Variants in DLEC1 observed in about 807,000 individuals in gnomAD.
The protein encoded by DLEC1 is DLEC1 cilia and flagella associated protein.
DLEC1 carries 146 observed loss-of-function variants against 198.1 expected under a neutral mutation model. The observed-to-expected ratio is 0.74, with a 90% CI of 0.64 to 0.85. DLEC1 has a LOEUF of 0.85. DLEC1 is among the 40% of genes least tolerant of loss of function. DLEC1 has a pLI of 0.00. For synonymous variants in DLEC1, 897 were observed against 866.8 expected (o/e 1.03, Z -0.61); for missense variants, 2,233 against 2,220.0 (o/e 1.01, Z -0.12).
rs143108244 is a variant in DLEC1 at position 38,062,570 on chromosome 3, A to G, written c.874-11A>G. ...CCTGTCATTGACTCTATGCTTTTGT[A>G]TGTTTCAAAGAAAGCAAGTCAACCA... On this transcript the variant is annotated splice_polypyrimidine_tract_variant and intron_variant, in intron 4 of 36. Transcript: ENST00000308059. The G allele has an allele frequency of 2.4e-4, 395 of 1,613,932 alleles. 1 individual carries two copies. Among genetic ancestry groups the G allele is most frequent in the Middle Eastern group, 1.3e-3 (8 of 6,062 alleles).
chr3:38,064,007 C>CTTTTTTTTTTTTTTTTTTG (rs71094947), intron 6 of DLEC1, 88 bp downstream of exon 6: 1 of 417,586 alleles, frequency 2.4e-6, no homozygotes, highest in Non-Finnish European at 3.7e-6. Context: ...TTTTTTTTTT[C>CTTTTTTTTTTTTTTTTTTG]TTTTTTTTTT....
chr3:38,077,979 C>A (rs1256578577), intron 6 of DLEC1, among the ~76,000 whole-genome samples: 1 of 152,138 alleles, frequency 6.6e-6, no homozygotes, highest in African/African-American at 2.4e-5. Context: ...TATAGCATAG[C>A]CTGCCTTTGC....
intron 23 of DLEC1, among the ~76,000 whole-genome samples, chr3:38,111,092 G>T (rs1699854386): frequency 6.6e-6 from 1 of 152,134 alleles, no homozygotes. Context: ...TCTCTAACTT[G>T]AAATCAAACA....
chr3:38,054,938 C>G (rs1378212263), intron 2 of DLEC1, among the ~76,000 whole-genome samples: 1 of 152,182 alleles, frequency 6.6e-6, no homozygotes, highest in Admixed American at 6.5e-5. Context: ...GAGATATTTA[C>G]AGACTAAAGG....
At chr3:38,100,222 C>A in intron 18 of DLEC1, 64 bp from the exon 19 acceptor site, 1 of 1,523,334 alleles carries the variant, frequency 6.6e-7, no homozygotes, top group South Asian at 1.3e-5. Context: ...CATGGCCAGC[C>A]CCCAGTTCCT....
intron 1 of DLEC1, among the ~76,000 whole-genome samples, chr3:38,044,159 T>A (rs1166783240): frequency 1.3e-5 from 2 of 151,926 alleles, no homozygotes; most frequent in African/African-American, 4.8e-5. Flanking sequence ...GGCAGGAGGA[T>A]CCCTTGACCC....
chr3:38,123,119 T>C lies in DLEC1; in HGVS notation c.*707T>C. The C allele has an allele frequency of 6.2e-7, 1 of 1,614,188 alleles. No homozygotes were observed. Among genetic ancestry groups the C allele is most frequent in the Non-Finnish European group, 8.5e-7 (1 of 1,180,022 alleles). On this transcript the variant is annotated 3_prime_UTR_variant, in exon 37 of 37. Transcript: ENST00000308059. ...CGATGCACATGGACACCACTCCGTA[T>C]GCCCTGTGAAAACAAAACTTAATTG...
Position 38,062,798 on chromosome 3 carries a change from A to G in DLEC1, c.1091A>G (p.Gln364Arg), listed in dbSNP as rs419616. 4.3e-6 allele frequency: 7 copies of G among 1,613,554 alleles called. No homozygotes were observed. The East Asian group carries it at 1.3e-4, about 31-fold the overall frequency. Residue 364 changes from glutamine to arginine, a missense_variant, in exon 5 of 37, where the codon CAG becomes CGG. Physicochemically the swap from Gln to Arg is conservative, Grantham distance 43. Transcript: ENST00000308059. ...GAATTCCAGAGTACAGAGCCAGAAC[A>G]GAGGTATGTCTTTCTCTGGCTTGAA... ...IGEFQSTEPE[Q>R]SCADTPVFLA...
At chr3:38,059,396 G>A (rs1033805807) in intron 2 of DLEC1, among the ~76,000 whole-genome samples, 1 of 152,254 alleles carries the variant, frequency 6.6e-6, no homozygotes, top group African/African-American at 2.4e-5. Flanking sequence ...GTCTCTAGTA[G>A]CAGGCACTGC....
chr3:38,082,084 C>A lies in DLEC1; in HGVS notation c.1174-2074C>A, dbSNP rs1269119798. 1.1e-4 allele frequency among the ~76,000 whole-genome samples: 16 copies of A among 144,150 alleles called. No homozygotes were observed. In the South Asian group the frequency reaches 1.4e-3, roughly 12 times the overall value. 94.6% of individuals were successfully genotyped at this position (144,150 alleles called of 152,430 possible). ...GGGTCTCCTCACTTCTCAGACGGGG[C>A]GGCCGGGCAGAGACCCTCCTCACCT... On this transcript the variant is annotated intron_variant, in intron 6 of 36. Coordinates refer to ENST00000308059, the MANE Select transcript of DLEC1 (RefSeq NM_007335.4).
chr3:38,098,246 G>T (rs751554329), intron 18 of DLEC1, among the ~76,000 whole-genome samples: 3 of 152,102 alleles, frequency 2.0e-5, no homozygotes, highest in Non-Finnish European at 4.4e-5. Flanking sequence ...TGCTCCAGCC[G>T]CATTCCCACC....
In DLEC1 at chr3:38,100,413, A is replaced by T. The variant is rs764938170; in HGVS notation, c.2852A>T (p.Asn951Ile). 2.6e-5 allele frequency: 42 copies of T among 1,612,570 alleles called. No individual in the cohort carries two copies. The highest frequency in any genetic ancestry group is 3.3e-5 in the Non-Finnish European group (39 of 1,179,552). The change falls in exon 19 of 37, where the codon AAT becomes ATT. Residue 951 changes from asparagine to isoleucine, a missense_variant. Coordinates refer to ENST00000308059, the MANE Select transcript of DLEC1 (RefSeq NM_007335.4). ...LETVLELEVE[N>I]GAWSYLPVYA... ...ACCGTCCTGGAGCTGGAGGTGGAAA[A>T]TGGTGCCTGGAGGTAAGGGTGCCGT...
chr3:38,096,409 T>G (rs1172149397), intron 14 of DLEC1, among the ~76,000 whole-genome samples, 160 bp from the exon 15 acceptor site: 2 of 152,006 alleles, frequency 1.3e-5, no homozygotes, highest in Non-Finnish European at 2.9e-5. Flanking sequence ...GCTTATCACC[T>G]TTCAGGCACT....
chr3:38,092,803 C>T lies in DLEC1; in HGVS notation c.1679C>T (p.Pro560Leu). Residue 560 changes from proline to leucine, a missense_variant, in exon 11 of 37, where the codon CCA (proline) becomes CTA (leucine). By Grantham distance (98) the Pro-to-Leu change is moderately conservative. Transcript: ENST00000308059. ...TCTCTCCCCCAGGTCTTGTTTTCCC[C>T]AAAGAGCCTAGGAAAGGCAGAGCAG... is the stretch of plus-strand genomic sequence containing the variant. Reference protein sequence around the residue: ...HAILVEVLFSPKSLGKAEQTF... With the variant: ...HAILVEVLFSLKSLGKAEQTF... 3 of 1,614,036 alleles carry T rather than the reference C, an allele frequency of 1.9e-6. No individual in the cohort carries two copies. Among genetic ancestry groups the T allele is most frequent in the Non-Finnish European group, 2.5e-6 (3 of 1,180,002 alleles).
chr3:38,075,371 G>C (rs1169894129), intron 6 of DLEC1, among the ~76,000 whole-genome samples: 2 of 152,176 alleles, frequency 1.3e-5, no homozygotes, highest in Non-Finnish European at 2.9e-5. Context: ...TAGAGCCATT[G>C]TCAAGTTTGT....
rs771714728 is a variant in DLEC1 at position 38,114,955 on chromosome 3, G to C, written c.3786-28G>C. 1.1e-5 allele frequency: 18 copies of C among 1,607,920 alleles called. 1 individual carries two copies. Among genetic ancestry groups the C allele is most frequent in the Non-Finnish European group, 1.4e-5 (16 of 1,175,894 alleles). On this transcript the variant is annotated intron_variant, in intron 26 of 36. Coordinates refer to ENST00000308059, the MANE Select transcript of DLEC1 (RefSeq NM_007335.4). ...TGCAAGGTGTACGCTGGCTGTGGCT[G>C]TACTGAGTCCAGTCTGTCCCCCTCC... is the stretch of plus-strand genomic sequence containing the variant.
intron 6 of DLEC1, among the ~76,000 whole-genome samples, chr3:38,083,335 T>G (rs1698159788): frequency 6.7e-6 from 1 of 149,778 alleles, no homozygotes; most frequent in African/African-American, 2.5e-5. Context: ...AAAGGAAAAT[T>G]ACAGTCAAAG....
chr3:38,045,730 C>G (rs774992108), intron 2 of DLEC1, 37 bp downstream of exon 2: 1 of 1,568,154 alleles, frequency 6.4e-7, no homozygotes, highest in South Asian at 1.2e-5. Flanking sequence ...TGCCCAATTC[C>G]CGGGCTGTTG....
intron 1 of DLEC1, among the ~76,000 whole-genome samples, chr3:38,042,552 CTT>C (rs71635860): frequency 0.06 from 6,287 of 104,200 alleles, 71 homozygotes; most frequent in Middle Eastern, 0.094. Context: ...ATGTTGCTGG[CTT>C]TTTTTTTTTT....
Sources: allele counts gnomAD v4.1 joint callset (sites outside exome capture counted in the v4.1 genomes callset), GRCh38; gene constraint gnomAD v4.1.1; transcripts MANE v1.5; gene names NCBI Gene and HGNC (gene_info 2026-07-23, HGNC 2026-07-21).